Variants in SERPINI1 observed in about 807,000 individuals in gnomAD.
The protein encoded by SERPINI1 is serpin family I member 1.
SERPINI1 carries 19 observed loss-of-function variants against 41.1 expected under a neutral mutation model. That is an observed-to-expected ratio of 0.46 (90% CI 0.32 to 0.68). The LOEUF (loss-of-function observed/expected upper bound fraction) is 0.68, where lower values mean the gene tolerates loss of function less well. SERPINI1 is among the 30% of genes least tolerant of loss of function. SERPINI1 has a pLI of 0.03. For missense variants in SERPINI1, 460 were observed against 479.2 expected (o/e 0.96, Z 0.37); for synonymous variants, 138 against 156.6 (o/e 0.88, Z 0.89).
chr3:167,741,843 C>G (rs1032304864), intron 1 of SERPINI1, among the ~76,000 whole-genome samples: 1 of 152,160 alleles, frequency 6.6e-6, no homozygotes, highest in Non-Finnish European at 1.5e-5. Context: ...TGTCCTTTGA[C>G]ATACAATACC....
intron 4 of SERPINI1, among the ~76,000 whole-genome samples, chr3:167,793,693 C>T (rs1727608713): frequency 6.6e-6 from 1 of 150,784 alleles, no homozygotes; most frequent in African/African-American, 2.4e-5. Flanking sequence ...TTTGAGGCTG[C>T]AGTGAGCTAT....
chr3:167,755,271 A>G (rs1726160703), intron 1 of SERPINI1, among the ~76,000 whole-genome samples: 1 of 152,220 alleles, frequency 6.6e-6, no homozygotes, highest in Admixed American at 6.5e-5. Flanking sequence ...AAGAAAGCAC[A>G]TGGCATTATC....
intron 1 of SERPINI1, among the ~76,000 whole-genome samples, chr3:167,769,401 C>G (rs970193459): frequency 1.3e-5 from 2 of 152,178 alleles, no homozygotes; most frequent in East Asian, 3.8e-4. Flanking sequence ...GGATTACATA[C>G]TTCTGCCCCT....
intron 1 of SERPINI1, among the ~76,000 whole-genome samples, chr3:167,742,446 G>A (rs1283878717): frequency 6.6e-6 from 1 of 152,192 alleles, no homozygotes; most frequent in East Asian, 1.9e-4. Context: ...TTGTCCTTGT[G>A]ATTTCTCTTG....
intron 5 of SERPINI1, among the ~76,000 whole-genome samples, chr3:167,796,815 G>A (rs1349096284): frequency 6.6e-6 from 1 of 152,038 alleles, no homozygotes; most frequent in African/African-American, 2.4e-5. Context: ...GAATAGTGCT[G>A]CAATGAACAT....
chr3:167,752,983 A>G (rs572340805), intron 1 of SERPINI1, among the ~76,000 whole-genome samples: 1 of 152,168 alleles, frequency 6.6e-6, no homozygotes, highest in South Asian at 2.1e-4. Flanking sequence ...TATTCATTGC[A>G]CTTAACACAG....
At chr3:167,784,156 G>A (rs1449969071) in intron 1 of SERPINI1, among the ~76,000 whole-genome samples, 2 of 152,002 alleles carry the variant, frequency 1.3e-5, no homozygotes, top group African/African-American at 2.4e-5. Flanking sequence ...CTGACCATCT[G>A]TAACCTCTGT....
Position 167,790,424 on chromosome 3 carries a change from G to A in SERPINI1, c.303G>A (p.Glu101=), listed in dbSNP as rs771348316. Residue 101 remains glutamate (E), a synonymous_variant, in exon 3 of 9, where the codon GAG becomes GAA. Transcript: ENST00000446050. ...TTTCAAACATGGTAACTGCTAAAGA[G>A]AGCCAATATGTGATGAAAATTGCCA... ...KEFSNMVTAK[E]SQYVMKIANS... The A allele has an allele frequency of 2.8e-5, 45 of 1,613,880 alleles. No individual in the cohort carries two copies. Among genetic ancestry groups the A allele is most frequent in the Non-Finnish European group, 3.6e-5 (42 of 1,179,910 alleles).
At chr3:167,797,280 T>G (rs1208135594) in intron 5 of SERPINI1, among the ~76,000 whole-genome samples, 1 of 152,202 alleles carries the variant, frequency 6.6e-6, no homozygotes, top group Admixed American at 6.5e-5. Context: ...AAGAATTTCC[T>G]CCCTTTCTGT....
In SERPINI1 at chr3:167,750,245, A is replaced by T. The variant is rs568856579; in HGVS notation, c.-19+14422A>T. On this transcript the variant is annotated intron_variant, in intron 1 of 8. Coordinates refer to ENST00000446050, the MANE Select transcript of SERPINI1 (RefSeq NM_001122752.2). ...ACATGTATATGTTACCCAAATATCT[A>T]AAATGACAGCACTGAAATGTCTGTT... Among the ~76,000 whole-genome samples, 11 of 152,328 alleles carry T rather than the reference A, an allele frequency of 7.2e-5. No homozygotes were observed. In the South Asian group the frequency reaches 2.3e-3, roughly 32 times the overall value.
intron 3 of SERPINI1, among the ~76,000 whole-genome samples, chr3:167,791,323 G>A (rs1727500197): frequency 6.6e-6 from 1 of 152,086 alleles, no homozygotes; most frequent in Non-Finnish European, 1.5e-5. Context: ...CCCAAATCAT[G>A]TTAATCTTGA....
In SERPINI1 at chr3:167,772,864, C is replaced by CTATATATATA. The variant is rs1161668820; in HGVS notation, c.-18-16226_-18-16217dup. On this transcript the variant is annotated intron_variant, in intron 1 of 8. Coordinates refer to ENST00000446050, the MANE Select transcript of SERPINI1 (RefSeq NM_001122752.2). The stretch of plus-strand genomic sequence containing the variant: ...TCTCTCTCTCTCTCTCTCTCTCTCT[C>CTATATATATA]TATATATATATATATATATATATAT... Among the ~76,000 whole-genome samples the CTATATATATA allele has an allele frequency of 2.6e-3, 63 of 24,596 alleles. 1 individual carries two copies. The highest frequency in any genetic ancestry group is 5.2e-3 in the South Asian group (2 of 386). The allele number at this position is 24,596 out of a possible 152,430, so 16.1% of individuals were successfully genotyped here. A position where few individuals can be genotyped will look rare whatever the true frequency, so the allele number is the denominator to read the frequency against.
At chr3:167,772,864 C>CTCTCTATATATATATATATA (rs1374013676) in intron 1 of SERPINI1, among the ~76,000 whole-genome samples, 4 of 24,642 alleles carry the variant, frequency 1.6e-4, no homozygotes, top group East Asian at 3.4e-3. Flanking sequence ...CTCTCTCTCT[C>CTCTCTATATATATATATATA]TATATATATA....
rs1233555012 is a variant in SERPINI1 at position 167,773,575 on chromosome 3, C to T, written c.-18-15536C>T. Among the ~76,000 whole-genome samples the T allele has an allele frequency of 3.9e-5, 6 of 152,138 alleles. 1 individual carries two copies. Among genetic ancestry groups the T allele is most frequent in the African/African-American group, 1.4e-4 (6 of 41,438 alleles). On this transcript the variant is annotated intron_variant, in intron 1 of 8. Transcript: ENST00000446050. ...TTTGATAGAGCCTTTTTAAAATCTACTTATGTTTTAGTTGTTTGCCCACAC... is the reference window on the plus strand; with the variant it reads ...TTTGATAGAGCCTTTTTAAAATCTATTTATGTTTTAGTTGTTTGCCCACAC...
chr3:167,739,351 G>T (rs533329563), intron 1 of SERPINI1, among the ~76,000 whole-genome samples: 2 of 152,120 alleles, frequency 1.3e-5, no homozygotes, highest in East Asian at 1.9e-4. Context: ...GACAGTTTGC[G>T]CTTTGATAGA....
Position 167,790,600 on chromosome 3 carries a change from A to G in SERPINI1, c.479A>G (p.Asn160Ser). ...AATAAGTGGGTGGAGAATAACACAA[A>G]CAGTATGTCACTTGGTTCCTTTCTT... Reference protein sequence around the residue: ...YINKWVENNTNNLVKDLVSPR... With the variant: ...YINKWVENNTSNLVKDLVSPR... The change falls in exon 3 of 9, where the codon AAC becomes AGC. Residue 160 changes from asparagine (N) to serine (S), a missense_variant and splice_region_variant. Asn to Ser is a conservative substitution (Grantham distance 46, BLOSUM62 1). Coordinates refer to ENST00000446050, the MANE Select transcript of SERPINI1 (RefSeq NM_001122752.2). The G allele has an allele frequency of 6.2e-7, 1 of 1,606,910 alleles. No individual in the cohort carries two copies.
chr3:167,766,496 G>A (rs1271823738), intron 1 of SERPINI1, among the ~76,000 whole-genome samples: 1 of 152,174 alleles, frequency 6.6e-6, no homozygotes, highest in East Asian at 1.9e-4. Context: ...GGGAATTACG[G>A]GTGCTACAAC....
At chr3:167,814,164 T>C (rs922962804) in intron 6 of SERPINI1, among the ~76,000 whole-genome samples, 59 of 152,212 alleles carry the variant, frequency 3.9e-4, no homozygotes, top group African/African-American at 1.4e-3. Flanking sequence ...CCTGAAATTG[T>C]AGTCATTTAT....
intron 5 of SERPINI1, among the ~76,000 whole-genome samples, chr3:167,805,969 T>C (rs1343590757): frequency 6.6e-6 from 1 of 152,140 alleles, no homozygotes; most frequent in Admixed American, 6.5e-5. Context: ...ATCCCATTAC[T>C]AGGTATATAC....
Sources: allele counts gnomAD v4.1 joint callset (sites outside exome capture counted in the v4.1 genomes callset), GRCh38; gene constraint gnomAD v4.1.1; transcripts MANE v1.5; gene names NCBI Gene and HGNC (gene_info 2026-07-23, HGNC 2026-07-21).